PDZD2: variants seen among roughly 807,000 people sequenced by gnomAD.
PDZD2 encodes the protein PDZ domain containing 2.
Under a neutral mutation model 220.7 loss-of-function variants are expected in PDZD2, and 90 were observed. The ratio of observed to expected loss-of-function variants is 0.41; its 90% CI spans 0.34 to 0.49. The LOEUF (loss-of-function observed/expected upper bound fraction) is 0.49, where lower values mean the gene tolerates loss of function less well. PDZD2 is among the 20% of genes least tolerant of loss of function. The pLI is 0.28. For missense variants in PDZD2, 3,174 were observed against 3,608.5 expected, an observed-to-expected ratio of 0.88 and a Z score of 3.08; for synonymous variants, 1,375 against 1,450.5, an observed-to-expected ratio of 0.95 and a Z score of 1.18.
At chr5:31,663,219 A>C (rs1380730537) in intron 1 of PDZD2, among the ~76,000 whole-genome samples, 1 of 152,172 alleles carries the variant, frequency 6.6e-6, no homozygotes, top group African/African-American at 2.4e-5. Context: ...AGGCATGAAA[A>C]ATTCAGTTTC....
At chr5:32,019,087 A>G (rs1250864748) in intron 6 of PDZD2, among the ~76,000 whole-genome samples, 1 of 151,514 alleles carries the variant, frequency 6.6e-6, no homozygotes, top group Non-Finnish European at 1.5e-5. Context: ...ATTTTTATCT[A>G]AGGAGTTTGC....
chr5:31,822,880 A>C lies in PDZD2; in HGVS notation c.476+23156A>C, dbSNP rs1447217822. The C allele has an allele frequency of 8.8e-6, 7 of 797,728 alleles. No individual in the cohort carries two copies. In the East Asian group the frequency reaches 2.6e-4, roughly 29 times the overall value. The allele number at this position is 797,728 out of a possible 1,614,324, so 49.4% of individuals were successfully genotyped here. A position where few individuals can be genotyped will look rare whatever the true frequency, so the allele number is the denominator to read the frequency against. Reference sequence around the variant, plus strand: ...AGACCTCATCTTGTAACGGAAGCCCAGTGTGACACCCTTGATCATGTTCTG... The same window carrying C: ...AGACCTCATCTTGTAACGGAAGCCCCGTGTGACACCCTTGATCATGTTCTG... On this transcript the variant is annotated intron_variant, in intron 2 of 24. Transcript: ENST00000438447.
At chr5:31,844,954 A>AAACAAGAAACAAGTTTCTTTT (rs143481590) in intron 2 of PDZD2, among the ~76,000 whole-genome samples, 1 of 152,212 alleles carries the variant, frequency 6.6e-6, no homozygotes, top group Non-Finnish European at 1.5e-5. Context: ...AAGTTTCTTT[A>AAACAAGAAACAAGTTTCTTTT]AACAAGAAAC....
intron 1 of PDZD2, among the ~76,000 whole-genome samples, chr5:31,777,143 C>T (rs147757210): frequency 9.2e-5 from 14 of 152,262 alleles, no homozygotes; most frequent in South Asian, 4.1e-4. Flanking sequence ...CACTGGCGCT[C>T]GCGGGGCAGC....
At chr5:31,999,013 T>C (rs1751877595) in intron 4 of PDZD2, among the ~76,000 whole-genome samples, 1 of 152,252 alleles carries the variant, frequency 6.6e-6, no homozygotes, top group South Asian at 2.1e-4. Context: ...TGAAGGGGCC[T>C]GTCCAGTGCT....
intron 6 of PDZD2, among the ~76,000 whole-genome samples, chr5:32,032,478 A>G (rs1234781645): frequency 6.6e-6 from 1 of 152,010 alleles, no homozygotes; most frequent in Admixed American, 6.6e-5. Context: ...TCTTCTGGCA[A>G]CTTCTGAGCT....
intron 2 of PDZD2, chr5:31,822,515 A>G (rs1755949209): frequency 3.5e-6 from 2 of 571,700 alleles, no homozygotes; most frequent in Admixed American, 4.5e-5. Flanking sequence ...GGTCTTAGGA[A>G]GCATCCGGCA....
rs149893943 is a variant in PDZD2 at position 31,741,541 on chromosome 5, T to G, written c.-360-57348T>G. Among the ~76,000 whole-genome samples, 1,173 of 152,236 alleles carry G rather than the reference T, an allele frequency of 7.7e-3. 14 individuals carry two copies. The highest frequency in any genetic ancestry group is 0.027 in the African/African-American group (1,133 of 41,524). On this transcript the variant is annotated intron_variant, in intron 1 of 24. Transcript: ENST00000438447. ...AGTAAAATACAAGTAAAAGCTGAACTTGGAGTCAGAATACCAGAGTTCTCA... is the reference window on the plus strand; with the variant it reads ...AGTAAAATACAAGTAAAAGCTGAACGTGGAGTCAGAATACCAGAGTTCTCA...
At chr5:31,978,043 C>T (rs990577728) in intron 2 of PDZD2, among the ~76,000 whole-genome samples, 1 of 152,176 alleles carries the variant, frequency 6.6e-6, no homozygotes, top group African/African-American at 2.4e-5. Context: ...TTTCTGGATA[C>T]TGTGGTCTTT....
chr5:31,961,667 C>T lies in PDZD2; in HGVS notation c.477-21488C>T, dbSNP rs117675388. On this transcript the variant is annotated intron_variant, in intron 2 of 24. Coordinates refer to ENST00000438447, the MANE Select transcript of PDZD2 (RefSeq NM_178140.4). ...GTTTTGTTTGTTTGTTTTTTTGAGACGATGTCTTGCTCTGTCGCCCAGGCT... is the reference window on the plus strand; with the variant it reads ...GTTTTGTTTGTTTGTTTTTTTGAGATGATGTCTTGCTCTGTCGCCCAGGCT... Among the ~76,000 whole-genome samples, 93 of 152,176 alleles carry T rather than the reference C, an allele frequency of 6.1e-4. 1 individual carries two copies. In the East Asian group the frequency reaches 0.014, roughly 23 times the overall value.
At chr5:32,073,619 G>A (rs1354397000) in intron 17 of PDZD2, among the ~76,000 whole-genome samples, 3 of 150,642 alleles carry the variant, frequency 2.0e-5, no homozygotes, top group Non-Finnish European at 4.4e-5. Context: ...GGGGGGGTAG[G>A]TCAGTAGGGA....
At chr5:32,076,115 G>A (rs111674169) in intron 18 of PDZD2, among the ~76,000 whole-genome samples, 4,322 of 151,860 alleles carry the variant, frequency 0.028, 197 homozygotes, top group African/African-American at 0.097. Context: ...GCAAAACCCC[G>A]TCTCTACTGA....
chr5:31,997,775 G>A (rs1037233657), intron 4 of PDZD2, among the ~76,000 whole-genome samples: 13 of 152,158 alleles, frequency 8.5e-5, no homozygotes, highest in African/African-American at 1.7e-4. Flanking sequence ...ATTCACAAGC[G>A]GGGCATTTTA....
chr5:31,798,695 G>A (rs1754192735), intron 1 of PDZD2, among the ~76,000 whole-genome samples, 194 bp from the exon 2 acceptor site: 1 of 152,182 alleles, frequency 6.6e-6, no homozygotes, highest in Non-Finnish European at 1.5e-5. Context: ...AGAGGCGTCT[G>A]TCTGAGAGAA....
intron 5 of PDZD2, among the ~76,000 whole-genome samples, chr5:32,003,278 C>CT (rs1752464101): frequency 7.1e-6 from 1 of 140,494 alleles, no homozygotes; most frequent in Non-Finnish European, 1.6e-5. Context: ...CACACACACA[C>CT]CACACACACA....
At chr5:31,844,539 T>G (rs1267148284) in intron 2 of PDZD2, among the ~76,000 whole-genome samples, 1 of 152,240 alleles carries the variant, frequency 6.6e-6, no homozygotes, top group Non-Finnish European at 1.5e-5. Flanking sequence ...AAAATAAGAT[T>G]GTCAGATTTA....
Position 32,108,905 on chromosome 5 carries a change from T to C in PDZD2, c.*770T>C, listed in dbSNP as rs1221989293. 1 of 152,654 alleles carries C rather than the reference T, an allele frequency of 6.6e-6. No homozygotes were observed. The highest frequency in any genetic ancestry group is 1.5e-5 in the Non-Finnish European group (1 of 68,026). The allele number at this position is 152,654 out of a possible 1,614,324, so 9.5% of individuals were successfully genotyped here. A position where few individuals can be genotyped will look rare whatever the true frequency, so the allele number is the denominator to read the frequency against. ...AGCACTTCTGATAAGCTGTATTAAA[T>C]AGCCATGAGCTTCACTGCTTAGAGG... On this transcript the variant is annotated 3_prime_UTR_variant, in exon 25 of 25. Transcript: ENST00000438447.
At position 31,855,138 on chromosome 5, in the gene PDZD2, G is replaced by A. The variant is rs540043061; in HGVS notation, c.476+55414G>A. Reference sequence around the variant, plus strand: ...GGAGACTCCCAGGAGCTCCGGAGAGGAACCCTCCGAAGGTGACTTCAGAAC... The same window carrying A: ...GGAGACTCCCAGGAGCTCCGGAGAGAAACCCTCCGAAGGTGACTTCAGAAC... On this transcript the variant is annotated intron_variant, in intron 2 of 24. Transcript: ENST00000438447. The A allele has an allele frequency of 4.1e-6, 4 of 983,958 alleles. No homozygotes were observed. In the South Asian group the frequency reaches 1.9e-4, roughly 46 times the overall value. 61.0% of individuals were successfully genotyped at this position (983,958 alleles called of 1,614,324 possible).
chr5:32,015,954 G>T (rs763713795), intron 6 of PDZD2, among the ~76,000 whole-genome samples: 2 of 152,172 alleles, frequency 1.3e-5, no homozygotes, highest in Admixed American at 6.5e-5. Context: ...ACCCGTATCC[G>T]GCTTCCGTTG....
Sources: gnomAD v4.1 joint callset for allele counts (sites outside exome capture counted in the v4.1 genomes callset) on GRCh38, gnomAD v4.1.1 for gene constraint, MANE v1.5 for transcripts, NCBI Gene and HGNC (gene_info 2026-07-23, HGNC 2026-07-21) for gene names.